Variants in EXT1 observed in about 807,000 individuals in gnomAD.
The protein encoded by EXT1 is exostosin-1.
Under a neutral mutation model 82.5 loss-of-function variants are expected in EXT1, and 20 were observed. That is an observed-to-expected ratio of 0.24 (90% CI 0.17 to 0.35). EXT1 has a LOEUF of 0.35. Ranked by LOEUF, EXT1 falls within the 10% of genes least tolerant of loss-of-function variation. The pLI, the probability that EXT1 is intolerant of heterozygous loss-of-function variation, is 1.00. For missense variants in EXT1, 757 were observed against 936.5 expected (o/e 0.81, Z 2.50); for synonymous variants, 348 against 350.8 (o/e 0.99, Z 0.09).
At chr8:117,838,895 A>C (rs1713253053) in intron 1 of EXT1, among the ~76,000 whole-genome samples, 1 of 152,070 alleles carries the variant, frequency 6.6e-6, no homozygotes, top group Admixed American at 6.6e-5. Flanking sequence ...CAGAATAGAA[A>C]CCCCTGAGGG....
intron 1 of EXT1, among the ~76,000 whole-genome samples, chr8:117,844,470 T>C (rs930463559): frequency 2.0e-5 from 3 of 152,114 alleles, no homozygotes; most frequent in African/African-American, 7.2e-5. Context: ...TCAGTTATTT[T>C]TGAGAAAACT....
At chr8:117,970,008 A>T (rs750387538) in intron 1 of EXT1, among the ~76,000 whole-genome samples, 9 of 152,214 alleles carry the variant, frequency 5.9e-5, no homozygotes, top group Non-Finnish European at 1.0e-4. Context: ...ACCACAAAAA[A>T]GCCATGAGAA....
chr8:118,038,425 A>G (rs1403858574), intron 1 of EXT1, among the ~76,000 whole-genome samples: 5 of 152,194 alleles, frequency 3.3e-5, no homozygotes, highest in Non-Finnish European at 5.9e-5. Context: ...GTAGAGTCCA[A>G]TGACCTCCAA....
rs905386396 is a variant in EXT1, at chr8:117,797,939, C to T, written c.*1773G>A. Reference sequence around the variant, plus strand: ...TGAATTTCACTGTCTACGCACCTCTCAAAACACCATCTGGATATGTGGGCT... The same window carrying T: ...TGAATTTCACTGTCTACGCACCTCTTAAAACACCATCTGGATATGTGGGCT... On this transcript the variant is annotated 3_prime_UTR_variant, in exon 11 of 11. Coordinates refer to ENST00000378204, the MANE Select transcript of EXT1 (RefSeq NM_000127.3). 3.3e-5 allele frequency: 5 copies of T among 152,214 alleles called. No individual in the cohort carries two copies. Among genetic ancestry groups the T allele is most frequent in the Non-Finnish European group, 7.3e-5 (5 of 68,070 alleles). 9.4% of individuals were successfully genotyped at this position (152,214 alleles called of 1,614,324 possible).
chr8:118,036,966 A>G (rs1036070727), intron 1 of EXT1, among the ~76,000 whole-genome samples: 1 of 152,194 alleles, frequency 6.6e-6, no homozygotes, highest in Non-Finnish European at 1.5e-5. Flanking sequence ...AGGGGCACGC[A>G]GCACACCAAA....
At position 117,812,969 on chromosome 8, in the gene EXT1, G is replaced by A. The variant is rs1350700915; in HGVS notation, c.1633-8C>T. 1 of 1,611,626 alleles carries A rather than the reference G, an allele frequency of 6.2e-7. No individual in the cohort carries two copies. Among genetic ancestry groups the A allele is most frequent in the East Asian group, 2.2e-5 (1 of 44,798 alleles). ...AAAACGGCTGCTCATAACCTGGGAGGAAGTAGAAGTAGGCAGTGGGGAGGG... is the reference window on the plus strand; with the variant it reads ...AAAACGGCTGCTCATAACCTGGGAGAAAGTAGAAGTAGGCAGTGGGGAGGG... On this transcript the variant is annotated splice_region_variant and splice_polypyrimidine_tract_variant and intron_variant, in intron 7 of 10. Coordinates refer to ENST00000378204, the MANE Select transcript of EXT1 (RefSeq NM_000127.3).
intron 1 of EXT1, among the ~76,000 whole-genome samples, chr8:118,072,899 G>A (rs17477028): frequency 6.6e-6 from 1 of 152,190 alleles, no homozygotes; most frequent in Non-Finnish European, 1.5e-5. Context: ...GGAACCCAAG[G>A]CAGGTAGGTC....
intron 1 of EXT1, among the ~76,000 whole-genome samples, chr8:118,020,452 G>A (rs565671017): frequency 1.3e-4 from 20 of 152,262 alleles, no homozygotes; most frequent in African/African-American, 2.2e-4. Flanking sequence ...TTTAAAACAC[G>A]TTATAGATGC....
rs933677865 is a variant in EXT1 at position 117,948,410 on chromosome 8, G to A, written c.963-111209C>T. 8.0e-5 allele frequency among the ~76,000 whole-genome samples: 12 copies of A among 149,672 alleles called. No homozygotes were observed. The South Asian group carries it at 2.6e-3, about 32-fold the overall frequency. ...GTGACAGAGAACAAGGTCAACAAATGTTCACCCTGCTCAAGCAGCAGGTTG... is the reference window on the plus strand; with the variant it reads ...GTGACAGAGAACAAGGTCAACAAATATTCACCCTGCTCAAGCAGCAGGTTG... On this transcript the variant is annotated intron_variant, in intron 1 of 10. Transcript: ENST00000378204.
intron 1 of EXT1, among the ~76,000 whole-genome samples, chr8:118,103,282 G>A (rs1427083672): frequency 6.6e-6 from 1 of 152,144 alleles, no homozygotes; most frequent in Non-Finnish European, 1.5e-5. Context: ...AAGTAGCTGG[G>A]ACTACAGGTG....
At chr8:117,953,328 A>G (rs1203003100) in intron 1 of EXT1, among the ~76,000 whole-genome samples, 1 of 152,178 alleles carries the variant, frequency 6.6e-6, no homozygotes, top group Non-Finnish European at 1.5e-5. Flanking sequence ...CTAGTGTTTT[A>G]CATTGAATAG....
chr8:118,107,405 A>G (rs1817819998), intron 1 of EXT1, among the ~76,000 whole-genome samples: 1 of 152,156 alleles, frequency 6.6e-6, no homozygotes, highest in Non-Finnish European at 1.5e-5. Flanking sequence ...ACTCTGCAAA[A>G]CCCAAACTAA....
At chr8:117,905,656 C>CA (rs1813529931) in intron 1 of EXT1, among the ~76,000 whole-genome samples, 1 of 151,926 alleles carries the variant, frequency 6.6e-6, no homozygotes, top group Non-Finnish European at 1.5e-5. Flanking sequence ...ACTAAAAACA[C>CA]AAAAAATTAG....
At chr8:118,092,302 A>G in intron 1 of EXT1, among the ~76,000 whole-genome samples, 1 of 152,214 alleles carries the variant, frequency 6.6e-6, no homozygotes, top group East Asian at 1.9e-4. Context: ...TCTATTTGGG[A>G]TCTAGAATTT....
Position 118,031,602 on chromosome 8 carries a change from C to T in EXT1, c.962+78483G>A, listed in dbSNP as rs183085810. Among the ~76,000 whole-genome samples, 110 of 151,686 alleles carry T rather than the reference C, an allele frequency of 7.3e-4. 2 individuals are homozygous for T. Among genetic ancestry groups the T allele is most frequent in the Middle Eastern group, 6.8e-3 (2 of 292 alleles). ...CAGTGACTAATTTAAAGTTAAAAGG[C>T]TTTTGAGCCAATAAAACCCTCTGTG... On this transcript the variant is annotated intron_variant, in intron 1 of 10. Coordinates refer to ENST00000378204, the MANE Select transcript of EXT1 (RefSeq NM_000127.3).
intron 1 of EXT1, among the ~76,000 whole-genome samples, chr8:117,993,295 T>TA (rs1253495496): frequency 2.6e-5 from 4 of 152,056 alleles, no homozygotes; most frequent in South Asian, 4.1e-4. Flanking sequence ...GATCAACAGA[T>TA]AAAAAAATTA....
chr8:118,042,444 G>A (rs1438762835), intron 1 of EXT1, among the ~76,000 whole-genome samples: 3 of 152,116 alleles, frequency 2.0e-5, no homozygotes, highest in East Asian at 3.9e-4. Flanking sequence ...ACAGGCACAC[G>A]CTACCACACC....
intron 1 of EXT1, among the ~76,000 whole-genome samples, chr8:118,092,792 T>G (rs1475499578): frequency 6.6e-6 from 1 of 152,226 alleles, no homozygotes; most frequent in South Asian, 2.1e-4. Flanking sequence ...TGCCCTAGGC[T>G]GAAGGGCAGG....
intron 1 of EXT1, among the ~76,000 whole-genome samples, chr8:117,896,076 G>C (rs1451694691): frequency 6.6e-6 from 1 of 152,188 alleles, no homozygotes; most frequent in Non-Finnish European, 1.5e-5. Context: ...CACAAGAATT[G>C]ATAACATTTG....
Sources: allele counts gnomAD v4.1 joint callset (sites outside exome capture counted in the v4.1 genomes callset), GRCh38; gene constraint gnomAD v4.1.1; transcripts MANE v1.5; gene names NCBI Gene and HGNC (gene_info 2026-07-23, HGNC 2026-07-21).